CHD6: variants seen among roughly 807,000 people sequenced by gnomAD.
CHD6 encodes the protein chromodomain helicase DNA binding protein 6.
A neutral mutation model predicts 276.9 loss-of-function variants in CHD6; 50 were observed. The observed-to-expected ratio is 0.18, with a 90% CI of 0.14 to 0.23. The LOEUF (loss-of-function observed/expected upper bound fraction) is 0.23. Among genes scored for constraint, CHD6 ranks in the 10% least tolerant of loss-of-function variants. The pLI, the probability that CHD6 is intolerant of heterozygous loss-of-function variation, is 1.00. For missense variants in CHD6, 2,564 were observed against 3,365.8 expected (o/e 0.76, Z 5.89); for synonymous variants, 1,173 against 1,229.3 (o/e 0.95, Z 0.96).
intron 24 of CHD6, 38 bp downstream of exon 24, chr20:41,447,844 T>C (rs933709620): frequency 1.5e-5 from 22 of 1,466,994 alleles, no homozygotes; most frequent in Non-Finnish European, 2.1e-5. Flanking sequence ...TTTATGTCAA[T>C]TCTTTAACGT....
intron 2 of CHD6, among the ~76,000 whole-genome samples, chr20:41,549,663 T>A (rs1289683440): frequency 1.3e-5 from 2 of 150,964 alleles, no homozygotes; most frequent in Middle Eastern, 3.2e-3. Context: ...ATTAAAAAAA[T>A]AAAATATTTT....
At chr20:41,596,350 C>T (rs1270392432) in intron 1 of CHD6, among the ~76,000 whole-genome samples, 1 of 152,166 alleles carries the variant, frequency 6.6e-6, no homozygotes, top group African/African-American at 2.4e-5. Flanking sequence ...ACTTAAACCA[C>T]TATTAGATGA....
At chr20:41,428,939 A>G (rs751239925) in intron 27 of CHD6, among the ~76,000 whole-genome samples, 3 of 152,184 alleles carry the variant, frequency 2.0e-5, no homozygotes, top group Non-Finnish European at 2.9e-5. Flanking sequence ...CAGAACCCTC[A>G]AACTCCTAAC....
intron 36 of CHD6, among the ~76,000 whole-genome samples, chr20:41,406,067 G>A (rs536115125): frequency 1.3e-5 from 2 of 152,308 alleles, no homozygotes; most frequent in Admixed American, 6.5e-5. Flanking sequence ...GGAAAGTGAC[G>A]TGTTTAATAC....
chr20:41,582,073 G>A (rs1187680703), intron 1 of CHD6, among the ~76,000 whole-genome samples: 1 of 152,154 alleles, frequency 6.6e-6, no homozygotes, highest in Non-Finnish European at 1.5e-5. Flanking sequence ...AACTGTTGGT[G>A]GGAGGGGCAG....
intron 27 of CHD6, 57 bp from the exon 28 acceptor site, chr20:41,426,210 C>G: frequency 8.1e-7 from 1 of 1,238,736 alleles, no homozygotes; most frequent in African/African-American, 1.5e-5. Flanking sequence ...GAAACCAGCT[C>G]AGAAAGTCTT....
chr20:41,522,176 CA>C (rs1386093461), intron 3 of CHD6, among the ~76,000 whole-genome samples: 2 of 151,822 alleles, frequency 1.3e-5, no homozygotes, highest in African/African-American at 2.4e-5. Flanking sequence ...CCCATCTCTA[CA>C]AAAAAATCGG....
chr20:41,469,067 C>T (rs1600938140), intron 17 of CHD6, among the ~76,000 whole-genome samples: 1 of 152,148 alleles, frequency 6.6e-6, no homozygotes, highest in Non-Finnish European at 1.5e-5. Flanking sequence ...CACAGGGGTC[C>T]AATACCTCTT....
chr20:41,412,126 C>T lies in CHD6; in HGVS notation c.7251+18G>A, dbSNP rs767056856. 93 of 1,613,568 alleles carry T rather than the reference C, an allele frequency of 5.8e-5. No homozygotes were observed. In the Middle Eastern group the frequency reaches 6.6e-4, roughly 12 times the overall value. On this transcript the variant is annotated intron_variant, in intron 36 of 36. Transcript: ENST00000373233. ...GATGCTCCTCCTGGCCCCACACTCACGTGGCCTTCTTCCTTACCCTCAGTC... is the reference window on the plus strand; with the variant it reads ...GATGCTCCTCCTGGCCCCACACTCATGTGGCCTTCTTCCTTACCCTCAGTC...
chr20:41,448,646 G>A (rs2048143355), intron 23 of CHD6, among the ~76,000 whole-genome samples: 1 of 152,130 alleles, frequency 6.6e-6, no homozygotes, highest in South Asian at 2.1e-4. Flanking sequence ...TGGGCATCCC[G>A]GCCTGCAGAG....
intron 1 of CHD6, among the ~76,000 whole-genome samples, chr20:41,616,818 ACTCTCT>A (rs923205908): frequency 4.6e-5 from 7 of 151,310 alleles, no homozygotes; most frequent in Non-Finnish European, 7.4e-5. Flanking sequence ...GTTCACAAAA[ACTCTCT>A]CTCTGAGGTT....
rs564301550 is a variant in CHD6 at position 41,601,329 on chromosome 20, GACT to G, written c.-24+17008_-24+17010del. On this transcript the variant is annotated intron_variant, in intron 1 of 36. Coordinates refer to ENST00000373233, the MANE Select transcript of CHD6 (RefSeq NM_032221.5). ...TGTCTGTTGAAGTGACTTGAAACAC[GACT>G]ACTACTGGACATGCCTTACAATTTA... Among the ~76,000 whole-genome samples the G allele has an allele frequency of 3.2e-3, 488 of 152,262 alleles. 5 individuals carry two copies. The highest frequency in any genetic ancestry group is 7.3e-3 in the South Asian group (35 of 4,824).
rs2046956308 is a variant in CHD6, at chr20:41,415,189, G to C, written c.6936C>G (p.Ile2312Met). 1.2e-6 allele frequency: 2 copies of C among 1,613,154 alleles called. No individual in the cohort carries two copies. The highest frequency in any genetic ancestry group is 1.7e-6 in the Non-Finnish European group (2 of 1,179,354). The part of the protein sequence containing the change: ...FLKEQTLQAG[I>M]LEVHEDPGQA... Reference sequence around the variant, plus strand: ...ATCTAATGACCTCAATACCCACCAAGATTCCCGCCTGAAGTGTCTGCTCCT... The same window carrying C: ...ATCTAATGACCTCAATACCCACCAACATTCCCGCCTGAAGTGTCTGCTCCT... The change falls in exon 34 of 37, where the codon ATC becomes ATG. Residue 2312 changes from isoleucine to methionine, a missense_variant. Physicochemically the swap from Ile to Met is conservative, Grantham distance 10. Coordinates refer to ENST00000373233, the MANE Select transcript of CHD6 (RefSeq NM_032221.5).
chr20:41,565,434 T>C (rs2045345149), intron 1 of CHD6, among the ~76,000 whole-genome samples: 1 of 152,144 alleles, frequency 6.6e-6, no homozygotes, highest in Non-Finnish European at 1.5e-5. Flanking sequence ...AATGCTGGTA[T>C]TGGCAAGAGG....
intron 24 of CHD6, among the ~76,000 whole-genome samples, chr20:41,447,092 GATTACA>G (rs1158539470): frequency 6.6e-6 from 1 of 152,218 alleles, no homozygotes; most frequent in Non-Finnish European, 1.5e-5. Flanking sequence ...GCCTGGCTCT[GATTACA>G]AGTTGCCCCA....
intron 2 of CHD6, among the ~76,000 whole-genome samples, chr20:41,536,771 A>G (rs1050186375): frequency 5.3e-5 from 8 of 152,218 alleles, no homozygotes; most frequent in Admixed American, 5.2e-4. Context: ...ATATATTTCT[A>G]TCTGTAAGGA....
rs553529601 is a variant in CHD6, at chr20:41,452,317, G to A, written c.3324-292C>T. 7.2e-5 allele frequency among the ~76,000 whole-genome samples: 11 copies of A among 152,336 alleles called. No homozygotes were observed. The East Asian group carries it at 2.1e-3, about 29-fold the overall frequency. ...CAGGGAATAAATTTGGAATCAAAAA[G>A]AGTCCAACAGCACTATTCAAAAGCA... On this transcript the variant is annotated intron_variant, in intron 21 of 36. Transcript: ENST00000373233. This position sits in a 1 kb window ranked among gnomAD's most constrained non-coding sequence, Gnocchi z 4.2.
intron 1 of CHD6, among the ~76,000 whole-genome samples, chr20:41,563,699 C>T (rs1163199983): frequency 6.6e-6 from 1 of 152,208 alleles, no homozygotes; most frequent in Non-Finnish European, 1.5e-5. Context: ...CCTTCTAGAG[C>T]TATCATATAT....
intron 3 of CHD6, among the ~76,000 whole-genome samples, chr20:41,524,973 C>T (rs2044492105): frequency 1.3e-5 from 2 of 152,158 alleles, no homozygotes; most frequent in South Asian, 4.1e-4. Flanking sequence ...CTGCTTTATG[C>T]TGCTCGTTTT....
Sources: gnomAD v4.1 joint callset for allele counts (sites outside exome capture counted in the v4.1 genomes callset) on GRCh38, gnomAD v4.1.1 for gene constraint, Gnocchi (gnomAD v3.1) non-coding constraint, MANE v1.5 for transcripts, NCBI Gene and HGNC (gene_info 2026-07-23, HGNC 2026-07-21) for gene names.